SMC5: variants seen among roughly 807,000 people sequenced by gnomAD.
The protein encoded by SMC5 is structural maintenance of chromosomes protein 5.
In SMC5, 88 loss-of-function variants were observed where a neutral mutation model predicts 148.3. The observed-to-expected ratio is 0.59, with a 90% CI of 0.50 to 0.71. The LOEUF is 0.71. SMC5 is among the 30% of genes least tolerant of loss of function. The pLI is 0.00. For synonymous variants in SMC5, 421 were observed against 432.8 expected, an observed-to-expected ratio of 0.97 and a Z score of 0.34; for missense variants, 1,142 against 1,298.9, an observed-to-expected ratio of 0.88 and a Z score of 1.86.
intron 8 of SMC5, among the ~76,000 whole-genome samples, chr9:70,286,586 G>C (rs556912789): frequency 6.6e-6 from 1 of 152,164 alleles, no homozygotes; most frequent in East Asian, 1.9e-4. Flanking sequence ...TTCTGTTGTT[G>C]TTTAAAACAC....
intron 13 of SMC5, among the ~76,000 whole-genome samples, chr9:70,318,025 G>T (rs925046486): frequency 1.3e-5 from 2 of 152,086 alleles, no homozygotes; most frequent in Admixed American, 1.3e-4. Flanking sequence ...GTATAGTAGC[G>T]TAGAAGTATA....
At chr9:70,279,817 CAAAAAAAAAA>C (rs561567100) in intron 5 of SMC5, among the ~76,000 whole-genome samples, 29 of 56,604 alleles carry the variant, frequency 5.1e-4, no homozygotes, top group Admixed American at 9.5e-4. Flanking sequence ...AACTCCGTTT[CAAAAAAAAAA>C]AAAAAAAAAA....
chr9:70,330,263 C>T (rs2036185310), intron 17 of SMC5, among the ~76,000 whole-genome samples: 1 of 152,110 alleles, frequency 6.6e-6, no homozygotes, highest in South Asian at 2.1e-4. Context: ...TATTCCTAGC[C>T]TCTGCCTGTT....
intron 1 of SMC5, among the ~76,000 whole-genome samples, chr9:70,259,769 T>C (rs959375658): frequency 6.6e-6 from 1 of 152,118 alleles, no homozygotes; most frequent in Admixed American, 6.6e-5. Flanking sequence ...TACTGGCAAT[T>C]GTTGGACCTC....
chr9:70,346,513 CT>C, intron 18 of SMC5, 91 bp from the exon 19 acceptor site: 2 of 1,241,506 alleles, frequency 1.6e-6, no homozygotes, highest in Non-Finnish European at 2.3e-6. Context: ...TCTCAGGATG[CT>C]TTTTTAGTTC....
intron 8 of SMC5, among the ~76,000 whole-genome samples, chr9:70,296,119 C>T (rs1418735558): frequency 2.0e-5 from 3 of 151,946 alleles, no homozygotes; most frequent in African/African-American, 7.3e-5. Context: ...AAATCAATAC[C>T]CGCATTTCAA....
At chr9:70,264,979 C>A (rs1261294850) in intron 2 of SMC5, among the ~76,000 whole-genome samples, 1 of 152,132 alleles carries the variant, frequency 6.6e-6, no homozygotes, top group Admixed American at 6.5e-5. Context: ...CTACACTGTA[C>A]TTATGTAAAC....
Position 70,334,303 on chromosome 9 carries a change from A to AT in SMC5, c.2398-9841_2398-9840insT, listed in dbSNP as rs1438574484. Among the ~76,000 whole-genome samples, 10 of 152,176 alleles carry AT rather than the reference A, an allele frequency of 6.6e-5. 1 individual carries two copies. The highest frequency in any genetic ancestry group is 1.0e-4 in the Non-Finnish European group (7 of 68,028). ...TTAAATGTAAGAGCTAAAATTATAAAACTTCTTGAAGAAAATGTAAGAGAA... is the reference window on the plus strand; with the variant it reads ...TTAAATGTAAGAGCTAAAATTATAAATACTTCTTGAAGAAAATGTAAGAGAA... On this transcript the variant is annotated intron_variant, in intron 17 of 24. Coordinates refer to ENST00000361138, the MANE Select transcript of SMC5 (RefSeq NM_015110.4).
intron 17 of SMC5, among the ~76,000 whole-genome samples, chr9:70,336,743 G>C (rs1219965625): frequency 6.6e-6 from 1 of 152,130 alleles, no homozygotes; most frequent in Non-Finnish European, 1.5e-5. Flanking sequence ...AGGAAATGTT[G>C]TTATAAAAGA....
chr9:70,322,876 A>G (rs916592824), intron 15 of SMC5, among the ~76,000 whole-genome samples: 1 of 152,166 alleles, frequency 6.6e-6, no homozygotes, highest in Non-Finnish European at 1.5e-5. Flanking sequence ...CAGTTGCTAC[A>G]TGAAATTTAA....
At chr9:70,302,165 A>C (rs1213357419) in intron 10 of SMC5, among the ~76,000 whole-genome samples, 1 of 152,174 alleles carries the variant, frequency 6.6e-6, no homozygotes, top group Non-Finnish European at 1.5e-5. Context: ...TAACATCAAG[A>C]GTTCAAGACC....
chr9:70,316,379 C>T (rs1406297960), intron 13 of SMC5, among the ~76,000 whole-genome samples: 1 of 151,952 alleles, frequency 6.6e-6, no homozygotes, highest in Admixed American at 6.6e-5. Flanking sequence ...CATTTGGGGG[C>T]TCACTATACT....
intron 8 of SMC5, among the ~76,000 whole-genome samples, chr9:70,294,958 C>G (rs528949955): frequency 6.6e-6 from 1 of 152,142 alleles, no homozygotes. Context: ...AACATAGCAA[C>G]AAGGGTAATG....
At chr9:70,352,070 G>GAAA in intron 24 of SMC5, 121 bp from the exon 25 acceptor site, 2 of 905,272 alleles carry the variant, frequency 2.2e-6, no homozygotes, top group African/African-American at 1.7e-5. Context: ...AGCAGAGTGG[G>GAAA]AAAAAAAAAG....
At chr9:70,320,765 G>C (rs1287204976) in intron 15 of SMC5, among the ~76,000 whole-genome samples, 1 of 152,064 alleles carries the variant, frequency 6.6e-6, no homozygotes, top group Non-Finnish European at 1.5e-5. Flanking sequence ...ATATACTTAA[G>C]ATTTTGAGGT....
Position 70,315,583 on chromosome 9 carries a change from G to C in SMC5, c.1806+5G>C. On this transcript the variant is annotated splice_donor_5th_base_variant and intron_variant, in intron 13 of 24. Transcript: ENST00000361138. ...ACCAGAGAAAGAATTGAACGGGTAG[G>C]AAAGTAGTGAATCATGTACTGAATC... 1 of 1,562,012 alleles carries C rather than the reference G, an allele frequency of 6.4e-7. No homozygotes were observed. The highest frequency in any genetic ancestry group is 8.7e-7 in the Non-Finnish European group (1 of 1,153,482).
intron 8 of SMC5, among the ~76,000 whole-genome samples, chr9:70,295,526 G>C (rs1353424334): frequency 2.0e-5 from 3 of 151,616 alleles, no homozygotes; most frequent in Admixed American, 6.6e-5. Context: ...CAGATATAGA[G>C]CAGTATGGAG....
intron 20 of SMC5, 87 bp downstream of exon 20, chr9:70,347,248 C>G (rs2036688197): frequency 2.0e-6 from 2 of 1,012,008 alleles, no homozygotes; most frequent in Non-Finnish European, 3.0e-6. Context: ...GAGTTCCCTC[C>G]AGTACTTGCC....
intron 13 of SMC5, among the ~76,000 whole-genome samples, chr9:70,317,657 C>T (rs771554662): frequency 8.6e-5 from 13 of 152,044 alleles, no homozygotes; most frequent in Non-Finnish European, 1.6e-4. Flanking sequence ...TCTAAAAATG[C>T]TCTGCATTGC....
Sources: gnomAD v4.1 joint callset for allele counts (sites outside exome capture counted in the v4.1 genomes callset) on GRCh38, gnomAD v4.1.1 for gene constraint, MANE v1.5 for transcripts, NCBI Gene and HGNC (gene_info 2026-07-23, HGNC 2026-07-21) for gene names.